Variants in ACKR3 observed in about 807,000 individuals in gnomAD.
The protein encoded by ACKR3 is atypical chemokine receptor 3.
ACKR3 carries 6 observed loss-of-function variants against 22.4 expected under a neutral mutation model. The observed-to-expected ratio is 0.27, with a 90% CI of 0.15 to 0.53. The LOEUF is 0.53. Ranked by LOEUF, ACKR3 falls within the 20% of genes least tolerant of loss-of-function variation. The pLI is 0.96. For synonymous variants in ACKR3, 209 were observed against 205.2 expected (o/e 1.02, Z -0.16); for missense variants, 396 against 475.2 (o/e 0.83, Z 1.55).
intron 1 of ACKR3, among the ~76,000 whole-genome samples, chr2:236,575,606 T>TGTGTGTGCGTGTCTGGGGTTGTG (rs1458042266): frequency 1.2e-5 from 1 of 85,642 alleles, no homozygotes; most frequent in African/African-American, 8.9e-5. Context: ...GGGGTTGTGC[T>TGTGTGTGCGTGTCTGGGGTTGTG]CTGTGTGTGT....
At chr2:236,554,625 C>G in the ACKR3 span, among the ~76,000 whole-genome samples, 1 of 152,156 alleles carries the variant, frequency 6.6e-6, no homozygotes, top group African/African-American at 2.4e-5. Flanking sequence ...GAAAGCTGTT[C>G]ATGGGGAAGT....
Position 236,580,949 on chromosome 2 carries a change from C to T in ACKR3, c.484C>T (p.Arg162Cys), listed in dbSNP as rs778711298. 50 of 1,614,060 alleles carry T rather than the reference C, an allele frequency of 3.1e-5. 1 individual carries two copies. The highest frequency in any genetic ancestry group is 1.2e-4 in the Admixed American group (7 of 60,010). Residue 162 changes from arginine to cysteine, a missense_variant, in exon 2 of 2, where the codon CGT (arginine) becomes TGT (cysteine). Physicochemically the swap from Arg to Cys is radical, Grantham distance 180. Transcript: ENST00000272928. ...CAGCAGCAGGAAGAAGATGGTACGC[C>T]GTGTCGTCTGCATCCTGGTGTGGCT... ...TPSSRKKMVR[R>C]VVCILVWLLA...
upstream of ACKR3, among the ~76,000 whole-genome samples, chr2:236,566,400 C>G (rs1253788327): frequency 6.6e-6 from 1 of 152,170 alleles, no homozygotes; most frequent in Non-Finnish European, 1.5e-5. Flanking sequence ...CTATTAGGTG[C>G]CACCAAACAC....
the ACKR3 span, among the ~76,000 whole-genome samples, chr2:236,548,863 G>T: frequency 6.6e-6 from 1 of 152,178 alleles, no homozygotes; most frequent in African/African-American, 2.4e-5. The surrounding 1 kb of genome is among the most constrained non-coding windows in gnomAD (Gnocchi z 4.3). Flanking sequence ...CTTATTAAAA[G>T]CTCGTGCACA....
rs747513102 is a variant in ACKR3 at position 236,580,868 on chromosome 2, C to G, written c.403C>G (p.Leu135Val). The change falls in exon 2 of 2, where the codon CTC becomes GTC. Residue 135 changes from leucine to valine, a missense_variant. Transcript: ENST00000272928. ...SINLFGSIFFLTCMSVDRYLS... is the reference protein window; with the variant it reads ...SINLFGSIFFVTCMSVDRYLS... ...CAACCTCTTCGGCAGCATTTTCTTC[C>G]TCACGTGCATGAGCGTGGACCGCTA... is the stretch of plus-strand genomic sequence containing the variant. 1 of 1,614,130 alleles carries G rather than the reference C, an allele frequency of 6.2e-7. No homozygotes were observed. Among genetic ancestry groups the G allele is most frequent in the Admixed American group, 1.7e-5 (1 of 60,014 alleles).
At chr2:236,558,559 C>T in the ACKR3 span, among the ~76,000 whole-genome samples, 3 of 152,140 alleles carry the variant, frequency 2.0e-5, no homozygotes, top group African/African-American at 4.8e-5. Flanking sequence ...AGTGTTGATG[C>T]TAACTTCCGG....
chr2:236,551,902 G>A, the ACKR3 span, among the ~76,000 whole-genome samples: 1 of 152,138 alleles, frequency 6.6e-6, no homozygotes, highest in African/African-American at 2.4e-5. Flanking sequence ...CCTGGTCCCG[G>A]CAGATCAAGT....
chr2:236,545,074 G>A, the ACKR3 span, among the ~76,000 whole-genome samples: 19 of 152,164 alleles, frequency 1.2e-4, no homozygotes, highest in Admixed American at 1.0e-3. The surrounding 1 kb of genome is among the most constrained non-coding windows in gnomAD (Gnocchi z 5.3). Flanking sequence ...TGGGGCTGCC[G>A]GGCATGCTTG....
At chr2:236,575,441 C>A (rs1222889128) in intron 1 of ACKR3, among the ~76,000 whole-genome samples, 1 of 107,642 alleles carries the variant, frequency 9.3e-6, no homozygotes, top group African/African-American at 3.9e-5. Flanking sequence ...TGGGGTTGTG[C>A]TGTGTGTGCG....
chr2:236,540,184 C>T, the ACKR3 span, among the ~76,000 whole-genome samples: 109 of 152,282 alleles, frequency 7.2e-4, no homozygotes, highest in Non-Finnish European at 1.3e-3. Context: ...TCATTCTTGC[C>T]AACACTCGAC....
upstream of ACKR3, among the ~76,000 whole-genome samples, chr2:236,565,935 C>CT (rs1048596518): frequency 6.6e-6 from 1 of 152,196 alleles, no homozygotes; most frequent in Admixed American, 6.5e-5. Flanking sequence ...GATAATGAAG[C>CT]TTCTTCCCAG....
chr2:236,539,331 T>TTTTG, the ACKR3 span, among the ~76,000 whole-genome samples: 1 of 149,596 alleles, frequency 6.7e-6, no homozygotes, highest in African/African-American at 2.5e-5. Context: ...TTTTGTTTTT[T>TTTTG]AGACAGAGTC....
chr2:236,560,316 CTT>C, the ACKR3 span, among the ~76,000 whole-genome samples: 15 of 118,928 alleles, frequency 1.3e-4, no homozygotes, highest in Non-Finnish European at 2.1e-4. Flanking sequence ...CACTTGTTGC[CTT>C]TTTTTTTTTT....
upstream of ACKR3, among the ~76,000 whole-genome samples, chr2:236,566,263 C>T (rs927605446): frequency 1.3e-5 from 2 of 152,214 alleles, no homozygotes; most frequent in Admixed American, 6.5e-5. Context: ...AGGAGCTTAG[C>T]TGAAACCCCT....
chr2:236,577,934 A>G lies in ACKR3; in HGVS notation c.-26-2506A>G, dbSNP rs953779783. ...CTGCCCAGCTGTGGGGCGGTCCTCC[A>G]TTCAAGCTCCTCTGCTCCCCGGGAC... On this transcript the variant is annotated intron_variant, in intron 1 of 1. Coordinates refer to ENST00000272928, the MANE Select transcript of ACKR3 (RefSeq NM_020311.3). This position sits in a 1 kb window ranked among gnomAD's most constrained non-coding sequence, Gnocchi z 5.6. Among the ~76,000 whole-genome samples the G allele has an allele frequency of 6.6e-6, 1 of 152,212 alleles. No individual in the cohort carries two copies. Among genetic ancestry groups the G allele is most frequent in the Non-Finnish European group, 1.5e-5 (1 of 68,030 alleles).
At position 236,577,144 on chromosome 2, in the gene ACKR3, C is replaced by T. The variant is rs559124827; in HGVS notation, c.-26-3296C>T. Among the ~76,000 whole-genome samples the T allele has an allele frequency of 6.6e-6, 1 of 152,030 alleles. No homozygotes were observed. Among genetic ancestry groups the T allele is most frequent in the South Asian group, 2.1e-4 (1 of 4,818 alleles). On this transcript the variant is annotated intron_variant, in intron 1 of 1. Coordinates refer to ENST00000272928, the MANE Select transcript of ACKR3 (RefSeq NM_020311.3). The surrounding 1 kb of genome is among the most constrained non-coding windows in gnomAD (Gnocchi z 5.6). ...TGGTTAATGATTGAGGATCGGTGAT[C>T]GGTGAGTGATGATAGGTGGCCGGTG...
chr2:236,566,016 T>C (rs1004362245), upstream of ACKR3, among the ~76,000 whole-genome samples: 2 of 152,222 alleles, frequency 1.3e-5, no homozygotes, highest in Non-Finnish European at 2.9e-5. Flanking sequence ...TCTGGGCTCA[T>C]ATCACAGTCA....
Position 236,580,998 on chromosome 2 carries a change from C to T in ACKR3, c.533C>T (p.Pro178Leu). ...CTGCTGGCCTTCTGCGTGTCTCTGC[C>T]TGACACCTACTACCTGAAGACCGTC... ...VWLLAFCVSL[P>L]DTYYLKTVTS... The change falls in exon 2 of 2, where the codon CCT becomes CTT. Residue 178 changes from proline (P) to leucine (L), a missense_variant. By Grantham distance (98) the Pro-to-Leu change is moderately conservative (BLOSUM62 -3). Coordinates refer to ENST00000272928, the MANE Select transcript of ACKR3 (RefSeq NM_020311.3). The T allele has an allele frequency of 6.2e-7, 1 of 1,614,182 alleles. No individual in the cohort carries two copies.
chr2:236,554,920 G>A, the ACKR3 span, among the ~76,000 whole-genome samples: 1 of 152,242 alleles, frequency 6.6e-6, no homozygotes, highest in African/African-American at 2.4e-5. Flanking sequence ...GAGAGGAGGT[G>A]AGTCGATAAG....
Sources: allele counts gnomAD v4.1 joint callset (sites outside exome capture counted in the v4.1 genomes callset), GRCh38; gene constraint gnomAD v4.1.1; non-coding constraint Gnocchi (gnomAD v3.1); transcripts MANE v1.5; gene names NCBI Gene and HGNC (gene_info 2026-07-23, HGNC 2026-07-21).